Variants in PDE4B observed in about 807,000 individuals in gnomAD.
The protein encoded by PDE4B is 3',5'-cyclic-AMP phosphodiesterase 4B.
A neutral mutation model predicts 82.2 loss-of-function variants in PDE4B; 20 were observed. The observed-to-expected ratio is 0.24, with a 90% CI of 0.17 to 0.35. PDE4B has a LOEUF of 0.35. Among genes scored for constraint, PDE4B ranks in the 10% least tolerant of loss-of-function variants. PDE4B has a pLI of 1.00. For missense variants in PDE4B, 655 were observed against 907.2 expected, an observed-to-expected ratio of 0.72 and a Z score of 3.57; for synonymous variants, 320 against 318.9, an observed-to-expected ratio of 1.00 and a Z score of -0.04.
chr1:66,179,119 T>C (rs1647006349), intron 3 of PDE4B, among the ~76,000 whole-genome samples: 1 of 152,162 alleles, frequency 6.6e-6, no homozygotes, highest in South Asian at 2.1e-4. Flanking sequence ...CCCAAAGTGC[T>C]GGATTACAGG....
Position 66,367,762 on chromosome 1 carries a change from T to C in PDE4B, c.1451T>C (p.Phe484Ser). The change falls in exon 14 of 17, where the codon TTC (phenylalanine) becomes TCC (serine). Residue 484 changes from phenylalanine (F) to serine (S), a missense_variant. By Grantham distance (155) the Phe-to-Ser change is radical. Around this residue, in one of 3 missense-constraint regions of PDE4B, gnomAD observed 283 missense variants for 516.4 expected, o/e 0.55. Coordinates refer to ENST00000341517, the MANE Select transcript of PDE4B (RefSeq NM_002600.4). Reference sequence around the variant, plus strand: ...GAAAATCATCACCTTGCTGTGGGTTTCAAACTGCTGCAAGAAGAACACTGT... The same window carrying C: ...GAAAATCATCACCTTGCTGTGGGTTCCAAACTGCTGCAAGAAGAACACTGT... The part of the protein sequence containing the change: ...VLENHHLAVG[F>S]KLLQEEHCDI... The C allele has an allele frequency of 1.9e-6, 3 of 1,613,830 alleles. No individual in the cohort carries two copies. The highest frequency in any genetic ancestry group is 2.5e-6 in the Non-Finnish European group (3 of 1,179,794).
intron 3 of PDE4B, among the ~76,000 whole-genome samples, chr1:65,984,965 G>T (rs1266251703): frequency 1.3e-5 from 2 of 151,870 alleles, no homozygotes; most frequent in African/African-American, 4.8e-5. Context: ...GGACTTTATA[G>T]CAAGTCTTGA....
rs1236414506 is a variant in PDE4B at position 66,091,072 on chromosome 1, C to A, written c.282-156388C>A. On this transcript the variant is annotated intron_variant, in intron 3 of 16. Transcript: ENST00000341517. ...CCCTTGACAGCACCCTGTTGTGGCC[C>A]CTGTTCCACCTATGTGATGGCCTTT... is the stretch of plus-strand genomic sequence containing the variant. Among the ~76,000 whole-genome samples, 3 of 151,948 alleles carry A rather than the reference C, an allele frequency of 2.0e-5. No homozygotes were observed. In the East Asian group the frequency reaches 5.8e-4, roughly 29 times the overall value.
intron 3 of PDE4B, among the ~76,000 whole-genome samples, chr1:66,055,780 AT>A (rs1655262756): frequency 6.6e-6 from 1 of 152,188 alleles, no homozygotes; most frequent in Non-Finnish European, 1.5e-5. Context: ...AGTAGATAAC[AT>A]TTTGAGATAT....
At chr1:66,189,751 G>T (rs1472715444) in intron 3 of PDE4B, among the ~76,000 whole-genome samples, 4 of 151,888 alleles carry the variant, frequency 2.6e-5, no homozygotes, top group African/African-American at 9.7e-5. Flanking sequence ...TTTTTTCAAG[G>T]TTTTTAACTT....
At chr1:66,187,045 G>A (rs919209772) in intron 3 of PDE4B, among the ~76,000 whole-genome samples, 1 of 152,242 alleles carries the variant, frequency 6.6e-6, no homozygotes, top group East Asian at 1.9e-4. Flanking sequence ...TAGTATGAAG[G>A]TTGTTGAATT....
intron 3 of PDE4B, among the ~76,000 whole-genome samples, chr1:66,182,830 T>C (rs889746107): frequency 3.3e-5 from 5 of 152,242 alleles, no homozygotes; most frequent in Non-Finnish European, 4.4e-5. Flanking sequence ...GTGGCTGTTA[T>C]AGCCTTTCAG....
At chr1:65,955,590 T>C (rs796424708) in intron 3 of PDE4B, among the ~76,000 whole-genome samples, 13 of 152,264 alleles carry the variant, frequency 8.5e-5, no homozygotes, top group African/African-American at 2.9e-4. Context: ...TTCGAGCCCA[T>C]GTCTACTTCA....
chr1:65,953,366 T>C (rs1038463061), intron 3 of PDE4B, among the ~76,000 whole-genome samples: 5 of 152,064 alleles, frequency 3.3e-5, no homozygotes, highest in African/African-American at 1.2e-4. Flanking sequence ...TAAAGGGACT[T>C]TGCAGATGTG....
Position 65,847,736 on chromosome 1 carries a change from G to A in PDE4B, c.-71+54488G>A, listed in dbSNP as rs17128066. 8.7e-3 allele frequency among the ~76,000 whole-genome samples: 1,324 copies of A among 152,278 alleles called. 47 individuals are homozygous for A. Among genetic ancestry groups the A allele is most frequent in the Admixed American group, 0.066 (1,002 of 15,284 alleles). Reference sequence around the variant, plus strand: ...AACTAAGAAGCAGAAGGTATTAAGGGAAAGTCCGGAAAGGTGGCAGTTCTT... The same window carrying A: ...AACTAAGAAGCAGAAGGTATTAAGGAAAAGTCCGGAAAGGTGGCAGTTCTT... On this transcript the variant is annotated intron_variant, in intron 1 of 16. Transcript: ENST00000341517.
intron 3 of PDE4B, among the ~76,000 whole-genome samples, chr1:66,204,348 G>A (rs1649342241): frequency 6.6e-6 from 1 of 152,232 alleles, no homozygotes; most frequent in Non-Finnish European, 1.5e-5. Flanking sequence ...GCTGTGTGCT[G>A]GGAGAACCTC....
At chr1:66,184,367 T>A (rs1043956452) in intron 3 of PDE4B, among the ~76,000 whole-genome samples, 7 of 152,338 alleles carry the variant, frequency 4.6e-5, no homozygotes, top group Admixed American at 2.0e-4. Flanking sequence ...ATCTATTATC[T>A]GCCAGCCACT....
At chr1:66,042,134 T>A (rs1654421472) in intron 3 of PDE4B, among the ~76,000 whole-genome samples, 1 of 151,834 alleles carries the variant, frequency 6.6e-6, no homozygotes, top group South Asian at 2.1e-4. Flanking sequence ...CAACTTCAGG[T>A]GATTGTTTCC....
intron 3 of PDE4B, among the ~76,000 whole-genome samples, chr1:66,219,415 A>G (rs1039711746): frequency 2.6e-5 from 4 of 152,202 alleles, no homozygotes; most frequent in African/African-American, 7.2e-5. Context: ...ATCACCTTGC[A>G]CATTACAGCA....
chr1:66,319,233 A>T (rs540473965), intron 7 of PDE4B, among the ~76,000 whole-genome samples: 1 of 152,178 alleles, frequency 6.6e-6, no homozygotes, highest in African/African-American at 2.4e-5. Context: ...GTGTTTCAAG[A>T]GGTTGGAAAT....
intron 1 of PDE4B, among the ~76,000 whole-genome samples, chr1:65,798,143 A>G (rs1194559545): frequency 6.6e-6 from 1 of 151,392 alleles, no homozygotes; most frequent in Non-Finnish European, 1.5e-5. Context: ...TCAGCCTCCC[A>G]AGTAGCTGGG....
intron 3 of PDE4B, among the ~76,000 whole-genome samples, chr1:65,995,077 A>G (rs1331194399): frequency 6.6e-6 from 1 of 152,184 alleles, no homozygotes; most frequent in African/African-American, 2.4e-5. Flanking sequence ...AATTGCCAAA[A>G]AAAATAGGAC....
chr1:66,129,409 G>A (rs1557582051), intron 3 of PDE4B, among the ~76,000 whole-genome samples: 2 of 151,992 alleles, frequency 1.3e-5, no homozygotes, highest in African/African-American at 2.4e-5. Context: ...TGTAATCCCA[G>A]CACTTTGGGA....
chr1:65,960,098 CT>C (rs1649471554), intron 3 of PDE4B, among the ~76,000 whole-genome samples: 1 of 152,140 alleles, frequency 6.6e-6, no homozygotes, highest in Non-Finnish European at 1.5e-5. Context: ...CTATTTTTAG[CT>C]CTTTATGTCT....
Sources: gnomAD v4.1 joint callset for allele counts (sites outside exome capture counted in the v4.1 genomes callset) on GRCh38, gnomAD v4.1.1 for gene constraint, gnomAD v4.1.1 regional missense constraint, MANE v1.5 for transcripts, NCBI Gene and HGNC (gene_info 2026-07-23, HGNC 2026-07-21) for gene names.